The following ERO1B variants were observed in gnomAD, a reference collection of about 807,000 sequenced individuals.
The protein encoded by ERO1B is endoplasmic reticulum oxidoreductase 1 beta, also known as ERO1-like protein beta.
In ERO1B, 49 loss-of-function variants were observed where a neutral mutation model predicts 75.3. The observed-to-expected ratio is 0.65, with a 90% CI of 0.52 to 0.83. The LOEUF (loss-of-function observed/expected upper bound fraction) is 0.83. Among genes scored for constraint, ERO1B ranks in the 40% least tolerant of loss-of-function variants. The pLI is 0.00. For synonymous variants in ERO1B, 191 were observed against 192.9 expected (o/e 0.99, Z 0.08); for missense variants, 512 against 560.1 (o/e 0.91, Z 0.87).
intron 2 of ERO1B, among the ~76,000 whole-genome samples, chr1:236,264,613 G>A (rs1047242961): frequency 1.3e-5 from 2 of 152,130 alleles, no homozygotes; most frequent in Admixed American, 1.3e-4. Context: ...AGAGGCCAAG[G>A]TGGGCAGATC....
chr1:236,270,058 A>G, intron 1 of ERO1B, 64 bp from the exon 2 acceptor site: 7 of 1,139,902 alleles, frequency 6.1e-6, no homozygotes, highest in Non-Finnish European at 8.7e-6. Flanking sequence ...AATCTACACT[A>G]TTATATAAAA....
At chr1:236,251,477 G>A in intron 4 of ERO1B, 1 of 980,696 alleles carries the variant, frequency 1.0e-6, no homozygotes. Context: ...TTACACGGGA[G>A]AGAGAGCAAG....
chr1:236,251,191 T>C (rs1338615431), intron 4 of ERO1B, among the ~76,000 whole-genome samples: 1 of 149,056 alleles, frequency 6.7e-6, no homozygotes, highest in Non-Finnish European at 1.5e-5. Flanking sequence ...AATAGAAAAA[T>C]ATTATTAATA....
chr1:236,265,275 T>A (rs1401370339), intron 2 of ERO1B, among the ~76,000 whole-genome samples: 1 of 152,190 alleles, frequency 6.6e-6, no homozygotes, highest in African/African-American at 2.4e-5. Context: ...TTCTTATTAT[T>A]TTAAAAATCA....
At chr1:236,220,323 A>G (rs1726629) in intron 15 of ERO1B, 71,297 of 151,874 alleles carry the variant, frequency 0.47, 17,465 homozygotes, top group East Asian at 0.88. Context: ...CACTGGTGAT[A>G]TAAACAAGCA....
rs1664767391 is a variant in ERO1B, at chr1:236,243,631, G to C, written c.432-136C>G. On this transcript the variant is annotated intron_variant, in intron 5 of 15. Transcript: ENST00000354619. ...ATGATGTCACAATTCTGCTATTAGT[G>C]ATTACATGAAGGGATGACAAAAAAC... is the stretch of plus-strand genomic sequence containing the variant. 12 of 516,318 alleles carry C rather than the reference G, an allele frequency of 2.3e-5. No individual in the cohort carries two copies. The East Asian group carries it at 4.1e-4, about 18-fold the overall frequency. The allele number at this position is 516,318 out of a possible 1,614,324, so 32.0% of individuals were successfully genotyped here. A position where few individuals can be genotyped will look rare whatever the true frequency, so the allele number is the denominator to read the frequency against.
intron 1 of ERO1B, among the ~76,000 whole-genome samples, chr1:236,273,475 A>AT (rs1176775464): frequency 1.3e-5 from 2 of 152,240 alleles, no homozygotes; most frequent in East Asian, 3.8e-4. Context: ...GCTAAAGAAC[A>AT]TTGCTACACA....
chr1:236,267,425 T>C (rs1202434133), intron 2 of ERO1B, among the ~76,000 whole-genome samples: 1 of 152,220 alleles, frequency 6.6e-6, no homozygotes, highest in Non-Finnish European at 1.5e-5. Context: ...TTAAACGAGA[T>C]ATTCATTCAA....
At chr1:236,281,534 C>G (rs981475102) in intron 1 of ERO1B, 148 bp downstream of exon 1, 1 of 503,554 alleles carries the variant, frequency 2.0e-6, no homozygotes, top group Non-Finnish European at 3.2e-6. Flanking sequence ...ACGGTCAGGT[C>G]TCTGCTCCCC....
Position 236,216,229 on chromosome 1 carries a change from T to G in ERO1B, c.*2287A>C, listed in dbSNP as rs1017834248. 2.6e-5 allele frequency: 4 copies of G among 152,254 alleles called. No individual in the cohort carries two copies. The highest frequency in any genetic ancestry group is 9.6e-5 in the African/African-American group (4 of 41,560). The allele number at this position is 152,254 out of a possible 1,614,324, so 9.4% of individuals were successfully genotyped here. ...TCAGTTATATTATCAAGTGCTGGGT[T>G]TTTAAATTAGGTGATGAGATAAAGA... On this transcript the variant is annotated 3_prime_UTR_variant, in exon 16 of 16. Transcript: ENST00000354619.
chr1:236,242,396 A>G lies in ERO1B; in HGVS notation c.505+1026T>C, dbSNP rs533226116. 5.9e-5 allele frequency among the ~76,000 whole-genome samples: 9 copies of G among 152,290 alleles called. 1 individual carries two copies. The South Asian group carries it at 1.7e-3, about 28-fold the overall frequency. ...TTGATAAAAGTTTTACCAATTCTCT[A>G]TATCATAGAGAGGACAGATACTTCA... On this transcript the variant is annotated intron_variant, in intron 6 of 15. Coordinates refer to ENST00000354619, the MANE Select transcript of ERO1B (RefSeq NM_019891.4).
chr1:236,239,701 A>C (rs1326286939), intron 6 of ERO1B, among the ~76,000 whole-genome samples: 1 of 150,944 alleles, frequency 6.6e-6, no homozygotes, highest in Non-Finnish European at 1.5e-5. Context: ...CAAAAGTTTT[A>C]TCTTCTTTCT....
At chr1:236,268,474 A>G (rs1489736400) in intron 2 of ERO1B, among the ~76,000 whole-genome samples, 2 of 152,092 alleles carry the variant, frequency 1.3e-5, no homozygotes, top group Non-Finnish European at 2.9e-5. Flanking sequence ...TAGCTGACGT[A>G]AGCCTAGAAA....
intron 1 of ERO1B, among the ~76,000 whole-genome samples, chr1:236,278,856 C>T (rs570154939): frequency 6.6e-6 from 1 of 152,246 alleles, no homozygotes; most frequent in South Asian, 2.1e-4. Context: ...AAGGGGATAA[C>T]ATTTAAAATA....
chr1:236,232,665 A>G (rs1664436163), intron 9 of ERO1B, among the ~76,000 whole-genome samples, 163 bp downstream of exon 9: 2 of 130,412 alleles, frequency 1.5e-5, no homozygotes, highest in African/African-American at 2.9e-5. Context: ...ATAACTTGAT[A>G]TATATAAAAT....
In ERO1B at chr1:236,230,261, G is replaced by C. The variant is rs368781370; in HGVS notation, c.686-11C>G. 14 of 1,585,674 alleles carry C rather than the reference G, an allele frequency of 8.8e-6. No individual in the cohort carries two copies. The African/African-American group carries it at 1.6e-4, about 18-fold the overall frequency. The stretch of plus-strand genomic sequence containing the variant: ...TGTAGAATGATTCTCCTGAGAGAGA[G>C]AGAAAAGTGGATTAAAACATTATAT... On this transcript the variant is annotated splice_polypyrimidine_tract_variant and intron_variant, in intron 9 of 15. Coordinates refer to ENST00000354619, the MANE Select transcript of ERO1B (RefSeq NM_019891.4).
intron 9 of ERO1B, among the ~76,000 whole-genome samples, chr1:236,232,374 G>GT (rs1664430049): frequency 6.6e-6 from 1 of 152,228 alleles, no homozygotes; most frequent in African/African-American, 2.4e-5. Context: ...TATTTTGGGG[G>GT]TATCTTTTAA....
intron 13 of ERO1B, among the ~76,000 whole-genome samples, chr1:236,224,437 G>A (rs1621565): frequency 0.48 from 71,553 of 150,436 alleles, 17,730 homozygotes; most frequent in East Asian, 0.89. Context: ...GCAACATAGC[G>A]AGACCCCATC....
chr1:236,251,413 T>C, intron 4 of ERO1B: 1 of 829,750 alleles, frequency 1.2e-6, no homozygotes, highest in South Asian at 5.5e-5. Flanking sequence ...TTATATGGTT[T>C]TATTTATTTC....
Sources: allele counts gnomAD v4.1 joint callset (sites outside exome capture counted in the v4.1 genomes callset), GRCh38; gene constraint gnomAD v4.1.1; transcripts MANE v1.5; gene names NCBI Gene and HGNC (gene_info 2026-07-23, HGNC 2026-07-21).